SAMD4B: variants seen among roughly 807,000 people sequenced by gnomAD.
SAMD4B encodes sterile alpha motif domain containing 4B.
SAMD4B carries 5 observed loss-of-function variants against 74.5 expected under a neutral mutation model. The observed-to-expected ratio is 0.07, with a 90% CI of 0.04 to 0.14. The LOEUF (loss-of-function observed/expected upper bound fraction) is 0.14. Among genes scored for constraint, SAMD4B ranks in the 10% least tolerant of loss-of-function variants. SAMD4B has a pLI of 1.00. For synonymous variants in SAMD4B, 373 were observed against 374.9 expected (o/e 1.00, Z 0.06); for missense variants, 608 against 921.8 (o/e 0.66, Z 4.41).
At chr19:39,385,781 T>C, downstream of SAMD4B, 1 of 688,304 alleles carries the variant, frequency 1.5e-6, no homozygotes, top group Non-Finnish European at 2.4e-6. Flanking sequence ...CAAGCCAAGA[T>C]CCTTGAGCAC....
chr19:39,344,555 A>G (rs1243959285), intron 1 of SAMD4B, among the ~76,000 whole-genome samples: 1 of 152,108 alleles, frequency 6.6e-6, no homozygotes, highest in Non-Finnish European at 1.5e-5. Context: ...TCCCCAAGAA[A>G]CATTATTTAG....
chr19:39,376,607 GC>G, intron 6 of SAMD4B, 61 bp downstream of exon 6: 1 of 1,582,286 alleles, frequency 6.3e-7, no homozygotes, highest in Non-Finnish European at 8.7e-7. Flanking sequence ...CATCCTTGCA[GC>G]CCAAGCCTCC....
At position 39,383,385 on chromosome 19, in the gene SAMD4B, G is replaced by A; in HGVS notation, c.2056+94G>A. On this transcript the variant is annotated intron_variant, in intron 13 of 13. Coordinates refer to ENST00000610417, the MANE Select transcript of SAMD4B (RefSeq NM_001384574.2). This position sits in a 1 kb window ranked among gnomAD's most constrained non-coding sequence, Gnocchi z 4.1. ...TCAGAGTCATCCTGAGGGGTCCCCA[G>A]GGGAGGCCAGACTCCAGGGAGGGCC... 1 of 1,572,292 alleles carries A rather than the reference G, an allele frequency of 6.4e-7. No individual in the cohort carries two copies. Among genetic ancestry groups the A allele is most frequent in the Non-Finnish European group, 8.8e-7 (1 of 1,141,974 alleles).
the SAMD4B span, chr19:39,390,738 C>T: frequency 2.1e-6 from 3 of 1,446,974 alleles, no homozygotes; most frequent in Non-Finnish European, 2.9e-6. Context: ...CACGGGCAGA[C>T]CTGGGGGCTG....
downstream of SAMD4B, chr19:39,389,224 G>GAA: frequency 2.5e-6 from 4 of 1,609,980 alleles, no homozygotes; most frequent in Non-Finnish European, 3.4e-6. This position sits in a 1 kb window ranked among gnomAD's most constrained non-coding sequence, Gnocchi z 5.3. Flanking sequence ...AAGGTCCTTA[G>GAA]GGGCCACTGG....
intron 3 of SAMD4B, among the ~76,000 whole-genome samples, chr19:39,359,110 C>T (rs1244078067): frequency 6.6e-6 from 1 of 152,190 alleles, no homozygotes; most frequent in Admixed American, 6.5e-5. Context: ...TGCCACACTC[C>T]CCACCACTCT....
Position 39,384,591 on chromosome 19 carries a change from C to T in SAMD4B, c.*1064C>T, listed in dbSNP as rs2078187549. 6.6e-6 allele frequency: 1 copy of T among 152,588 alleles called. No individual in the cohort carries two copies. Among genetic ancestry groups the T allele is most frequent in the African/African-American group, 2.4e-5 (1 of 41,430 alleles). The allele number at this position is 152,588 out of a possible 1,614,324, so 9.5% of individuals were successfully genotyped here. On this transcript the variant is annotated 3_prime_UTR_variant, in exon 14 of 14. Coordinates refer to ENST00000610417, the MANE Select transcript of SAMD4B (RefSeq NM_001384574.2). The stretch of plus-strand genomic sequence containing the variant: ...ACCTCACTTAAGTGGAACACTATAT[C>T]ATAACCCAGAGATTCGTCCCAGCCC...
chr19:39,371,028 A>G (rs1218403660), intron 4 of SAMD4B, among the ~76,000 whole-genome samples: 1 of 152,250 alleles, frequency 6.6e-6, no homozygotes, highest in Non-Finnish European at 1.5e-5. Flanking sequence ...AAAGCCCTGC[A>G]GGCGGGAGTG....
At chr19:39,361,941 G>T (rs74571984) in intron 3 of SAMD4B, among the ~76,000 whole-genome samples, 3 of 151,988 alleles carry the variant, frequency 2.0e-5, no homozygotes, top group Non-Finnish European at 2.9e-5. Context: ...AAAAAAAAAA[G>T]TTGCCTGTCT....
chr19:39,347,647 C>G (rs1412800417), intron 1 of SAMD4B, among the ~76,000 whole-genome samples: 1 of 152,120 alleles, frequency 6.6e-6, no homozygotes, highest in Non-Finnish European at 1.5e-5. Flanking sequence ...ATGGCAATAC[C>G]CTCACCACAG....
chr19:39,373,642 C>G (rs2077430528), intron 4 of SAMD4B, among the ~76,000 whole-genome samples: 2 of 152,128 alleles, frequency 1.3e-5, no homozygotes, highest in Admixed American at 6.5e-5. Context: ...CTCATGGGAA[C>G]CTGCCCTGTC....
chr19:39,354,729 G>A (rs2076246884), intron 2 of SAMD4B, among the ~76,000 whole-genome samples: 1 of 152,172 alleles, frequency 6.6e-6, no homozygotes, highest in African/African-American at 2.4e-5. Flanking sequence ...ACAATGAGCT[G>A]AGACCTGAAT....
downstream of SAMD4B, chr19:39,389,867 TC>T: frequency 1.4e-6 from 2 of 1,478,116 alleles, no homozygotes; most frequent in Non-Finnish European, 1.9e-6. The surrounding 1 kb of genome is among the most constrained non-coding windows in gnomAD (Gnocchi z 5.3). Flanking sequence ...GAATGAAGTG[TC>T]CCCCATGGCA....
chr19:39,359,115 CACTCTA>C (rs1425482657), intron 3 of SAMD4B, among the ~76,000 whole-genome samples: 1 of 152,210 alleles, frequency 6.6e-6, no homozygotes, highest in South Asian at 2.1e-4. Flanking sequence ...CACTCCCCAC[CACTCTA>C]ACACTAAAGG....
downstream of SAMD4B, chr19:39,386,653 C>T (rs779946555): frequency 6.3e-7 from 1 of 1,597,234 alleles, no homozygotes; most frequent in East Asian, 2.2e-5. This position sits in a 1 kb window ranked among gnomAD's most constrained non-coding sequence, Gnocchi z 6.1. Flanking sequence ...CAACCACCAC[C>T]CTCCCTGCCA....
intron 3 of SAMD4B, among the ~76,000 whole-genome samples, chr19:39,363,949 G>C (rs973244205): frequency 6.6e-6 from 1 of 152,188 alleles, no homozygotes; most frequent in African/African-American, 2.4e-5. Context: ...TACAGCCCCA[G>C]CTGGGCTCAC....
downstream of SAMD4B, chr19:39,386,120 AC>A: frequency 6.2e-7 from 1 of 1,613,702 alleles, no homozygotes; most frequent in Non-Finnish European, 8.5e-7. This position sits in a 1 kb window ranked among gnomAD's most constrained non-coding sequence, Gnocchi z 6.1. Flanking sequence ...TCCGCTGGCC[AC>A]CCCCATTGCT....
intron 12 of SAMD4B, 69 bp downstream of exon 12, chr19:39,381,182 G>A: frequency 1.3e-6 from 2 of 1,511,866 alleles, no homozygotes; most frequent in East Asian, 2.3e-5. Flanking sequence ...TTTCTCCTGG[G>A]TCTCATGTCC....
chr19:39,385,817 G>A (rs983271428), downstream of SAMD4B: 3 of 973,220 alleles, frequency 3.1e-6, no homozygotes, highest in African/African-American at 4.9e-5. Flanking sequence ...GGTATGTGCT[G>A]GGCTGAATGA....
Sources: allele counts gnomAD v4.1 joint callset (sites outside exome capture counted in the v4.1 genomes callset), GRCh38; gene constraint gnomAD v4.1.1; non-coding constraint Gnocchi (gnomAD v3.1); transcripts MANE v1.5; gene names NCBI Gene and HGNC (gene_info 2026-07-23, HGNC 2026-07-21).